Variants in MECOM observed in about 807,000 individuals in gnomAD.
The protein encoded by MECOM is MDS1 and EVI1 complex locus.
Under a neutral mutation model 116.3 loss-of-function variants are expected in MECOM, and 13 were observed. The observed-to-expected ratio is 0.11, with a 90% CI of 0.07 to 0.18. The LOEUF is 0.18. Ranked by LOEUF, MECOM falls within the 10% of genes least tolerant of loss-of-function variation. The probability of loss-of-function intolerance (pLI) is 1.00; values close to 1 mark genes in which losing one functional copy is unlikely to be tolerated. For missense variants in MECOM, 1,299 were observed against 1,509.0 expected, an observed-to-expected ratio of 0.86 and a Z score of 2.31; for synonymous variants, 528 against 535.2, an observed-to-expected ratio of 0.99 and a Z score of 0.19.
intron 2 of MECOM, among the ~76,000 whole-genome samples, chr3:169,298,148 C>T (rs1467624590): frequency 6.6e-6 from 1 of 152,124 alleles, no homozygotes; most frequent in Non-Finnish European, 1.5e-5. Context: ...TTGGAAAAAT[C>T]TCTGTGTTAT....
At chr3:169,360,680 CA>C (rs1168765471) in intron 2 of MECOM, among the ~76,000 whole-genome samples, 1 of 151,472 alleles carries the variant, frequency 6.6e-6, no homozygotes, top group African/African-American at 2.4e-5. Context: ...GAGAAGAGCC[CA>C]GGGGGGAAAA....
intron 1 of MECOM, among the ~76,000 whole-genome samples, chr3:169,471,834 T>C (rs1433260700): frequency 6.6e-6 from 1 of 152,224 alleles, no homozygotes; most frequent in Non-Finnish European, 1.5e-5. Context: ...CAATTCACTC[T>C]ATTTAATAGT....
intron 1 of MECOM, among the ~76,000 whole-genome samples, chr3:169,633,101 C>T (rs1031702529): frequency 2.6e-5 from 4 of 152,160 alleles, no homozygotes; most frequent in Non-Finnish European, 5.9e-5. Context: ...GTGAACATTG[C>T]CCTTTCTCCA....
intron 2 of MECOM, chr3:169,145,393 G>A (rs1487956832): frequency 3.9e-6 from 1 of 259,522 alleles, no homozygotes; most frequent in Non-Finnish European, 7.4e-6. Flanking sequence ...CCCAGATGTT[G>A]AGAAGGTACA....
chr3:169,588,442 T>C (rs577632445), intron 1 of MECOM, among the ~76,000 whole-genome samples: 3 of 152,202 alleles, frequency 2.0e-5, no homozygotes, highest in Non-Finnish European at 2.9e-5. Flanking sequence ...AAAAGTTCTG[T>C]CATCCTGTTA....
intron 13 of MECOM, among the ~76,000 whole-genome samples, chr3:169,094,372 A>T (rs1720843315): frequency 6.6e-6 from 1 of 152,176 alleles, no homozygotes. Context: ...CTGCACACAT[A>T]TGCCAGCTGG....
chr3:169,603,243 T>C (rs1768041786), intron 1 of MECOM, among the ~76,000 whole-genome samples: 1 of 152,174 alleles, frequency 6.6e-6, no homozygotes, highest in Non-Finnish European at 1.5e-5. Flanking sequence ...GTGTCCTAGT[T>C]TTTAAAAGAA....
At chr3:169,131,381 T>C (rs754263940) in intron 4 of MECOM, 48 bp downstream of exon 4, 4 of 1,453,986 alleles carry the variant, frequency 2.8e-6, no homozygotes, top group Admixed American at 3.4e-5. Context: ...TGCTACTTTA[T>C]AGTCGCGATG....
intron 1 of MECOM, among the ~76,000 whole-genome samples, chr3:169,604,220 A>C (rs1304727773): frequency 6.8e-6 from 1 of 146,034 alleles, no homozygotes; most frequent in Non-Finnish European, 1.5e-5. Context: ...AAGAGAGAGA[A>C]ATCTCTCTCT....
In MECOM at chr3:169,548,971, C is replaced by CTT. The variant is rs756925389; in HGVS notation, c.37+114363_37+114364dup. ...ACACGTAAAACTGACATTTGTCTCT[C>CTT]TTTTTTTTTTTTTTTTTTTTGAGAC... On this transcript the variant is annotated intron_variant, in intron 1 of 16. Transcript: ENST00000651503. Among the ~76,000 whole-genome samples the CTT allele has an allele frequency of 2.3e-3, 270 of 119,006 alleles. 2 individuals are homozygous for CTT. The East Asian group carries it at 0.023, about 10-fold the overall frequency. 78.1% of individuals were successfully genotyped at this position (119,006 alleles called of 152,430 possible).
In MECOM at chr3:169,387,424, G is replaced by A. The variant is rs555786281; in HGVS notation, c.38-5900C>T. On this transcript the variant is annotated intron_variant, in intron 1 of 16. Transcript: ENST00000651503. ...ACCATTTGTTTCTTTTGGCCTTTCC[G>A]CCTAGTTTAACTGCAAATCTGGTCA... Among the ~76,000 whole-genome samples the A allele has an allele frequency of 3.9e-5, 6 of 152,086 alleles. No individual in the cohort carries two copies. The South Asian group carries it at 6.2e-4, about 16-fold the overall frequency.
At chr3:169,353,762 C>G (rs1475930392) in intron 2 of MECOM, among the ~76,000 whole-genome samples, 1 of 151,766 alleles carries the variant, frequency 6.6e-6, no homozygotes, top group Non-Finnish European at 1.5e-5. Flanking sequence ...CAATTACTGT[C>G]TTTATACAAA....
In MECOM at chr3:169,533,207, C is replaced by T. The variant is rs181833280; in HGVS notation, c.37+130129G>A. The stretch of plus-strand genomic sequence containing the variant: ...CACATTTGGCCCTTCACTGATCAAG[C>T]TTTGTTTCTCTGTGATTATAGATAT... On this transcript the variant is annotated intron_variant, in intron 1 of 16. Transcript: ENST00000651503. 2.0e-5 allele frequency among the ~76,000 whole-genome samples: 3 copies of T among 152,226 alleles called. No homozygotes were observed. In the East Asian group the frequency reaches 5.8e-4, roughly 29 times the overall value.
intron 2 of MECOM, among the ~76,000 whole-genome samples, chr3:169,257,182 C>T (rs1252470551): frequency 6.6e-6 from 1 of 152,154 alleles, no homozygotes; most frequent in East Asian, 1.9e-4. Context: ...GATTGGTGTA[C>T]ATGTACCTAA....
At chr3:169,523,909 G>C (rs1235937964) in intron 1 of MECOM, among the ~76,000 whole-genome samples, 1 of 146,422 alleles carries the variant, frequency 6.8e-6, no homozygotes, top group East Asian at 2.0e-4. Context: ...ACCTGTATAT[G>C]CATATATATG....
chr3:169,086,429 T>C (rs9809633), intron 16 of MECOM: 33,969 of 619,412 alleles, frequency 0.055, 2,526 homozygotes, highest in African/African-American at 0.27. Flanking sequence ...AAACAAATTC[T>C]GATATTTGGG....
At chr3:169,373,278 C>A (rs2108207526) in intron 2 of MECOM, among the ~76,000 whole-genome samples, 1 of 152,060 alleles carries the variant, frequency 6.6e-6, no homozygotes, top group African/African-American at 2.4e-5. Context: ...AATGATGTTT[C>A]TGGTATCTAT....
chr3:169,557,212 T>A (rs772761987), intron 1 of MECOM, among the ~76,000 whole-genome samples: 10 of 152,252 alleles, frequency 6.6e-5, no homozygotes, highest in Non-Finnish European at 1.2e-4. Flanking sequence ...CCTTCTGAAA[T>A]CCTATGTTCC....
chr3:169,299,564 A>C (rs60329576), intron 2 of MECOM, among the ~76,000 whole-genome samples: 2,461 of 152,252 alleles, frequency 0.016, 72 homozygotes, highest in African/African-American at 0.056. Flanking sequence ...AGTTCACCCC[A>C]GTCAGACCAG....
Sources: gnomAD v4.1 joint callset for allele counts (sites outside exome capture counted in the v4.1 genomes callset) on GRCh38, gnomAD v4.1.1 for gene constraint, MANE v1.5 for transcripts, NCBI Gene and HGNC (gene_info 2026-07-23, HGNC 2026-07-21) for gene names.